The following CWC22 variants were observed in gnomAD, a reference collection of about 807,000 sequenced individuals.
The protein encoded by CWC22 is CWC22 spliceosome associated protein, also known as pre-mRNA-splicing factor CWC22 homolog.
CWC22 carries 53 observed loss-of-function variants against 117.2 expected under a neutral mutation model. The observed-to-expected ratio is 0.45, with a 90% CI of 0.36 to 0.57. The LOEUF (loss-of-function observed/expected upper bound fraction) is 0.57. Ranked by LOEUF, CWC22 falls within the 20% of genes least tolerant of loss-of-function variation. The pLI, the probability that CWC22 is intolerant of heterozygous loss-of-function variation, is 0.00. For missense variants in CWC22, 980 were observed against 1,068.8 expected, an observed-to-expected ratio of 0.92 and a Z score of 1.16; for synonymous variants, 360 against 355.6, an observed-to-expected ratio of 1.01 and a Z score of -0.14.
chr2:179,981,481 T>C (rs188844208), intron 5 of CWC22, among the ~76,000 whole-genome samples: 1 of 152,268 alleles, frequency 6.6e-6, no homozygotes, highest in Admixed American at 6.5e-5. Flanking sequence ...GGAACAATAG[T>C]TTGAACATAC....
intron 2 of CWC22, among the ~76,000 whole-genome samples, chr2:179,993,017 ACG>A (rs1440687865): frequency 7.0e-5 from 10 of 142,346 alleles, no homozygotes; most frequent in Admixed American, 2.7e-4. Flanking sequence ...ACACACACAC[ACG>A]CGCACACACA....
intron 2 of CWC22, among the ~76,000 whole-genome samples, chr2:179,990,914 C>T (rs941428087): frequency 6.6e-6 from 1 of 152,132 alleles, no homozygotes; most frequent in African/African-American, 2.4e-5. Context: ...AAAACGGGGA[C>T]TTGAATTTGG....
chr2:179,954,268 G>C lies in CWC22; in HGVS notation c.1626C>G (p.Asn542Lys). 6.2e-7 allele frequency: 1 copy of C among 1,611,714 alleles called. No individual in the cohort carries two copies. Among genetic ancestry groups the C allele is most frequent in the Non-Finnish European group, 8.5e-7 (1 of 1,178,406 alleles). The part of the protein sequence containing the change: ...QYDTIHRLET[N>K]KLRNVAKMFA... Reference sequence around the variant, plus strand: ...ACATCTTAGCAACATTTCGCAACTTGTTTGTTTCCAAGCGATGGATGGTAT... The same window carrying C: ...ACATCTTAGCAACATTTCGCAACTTCTTTGTTTCCAAGCGATGGATGGTAT... The change falls in exon 16 of 20, where the codon AAC (asparagine) becomes AAG (lysine). Residue 542 changes from asparagine to lysine, a missense_variant. Asn to Lys is a moderately conservative substitution (Grantham distance 94, BLOSUM62 0). Transcript: ENST00000410053.
chr2:179,991,414 C>A (rs1687563775), intron 2 of CWC22, among the ~76,000 whole-genome samples: 1 of 152,116 alleles, frequency 6.6e-6, no homozygotes, highest in African/African-American at 2.4e-5. Context: ...AGCTAGTGGA[C>A]CCATTGTGGC....
In CWC22 at chr2:179,986,783, G is replaced by A. The variant is rs769283097; in HGVS notation, c.118C>T (p.Pro40Ser). The A allele has an allele frequency of 6.3e-7, 1 of 1,592,926 alleles. No homozygotes were observed. Among genetic ancestry groups the A allele is most frequent in the Non-Finnish European group, 8.5e-7 (1 of 1,170,800 alleles). Residue 40 changes from proline (P) to serine (S), a missense_variant, in exon 4 of 20, where the codon CCC (proline) becomes TCC (serine). By Grantham distance (74) the Pro-to-Ser change is moderately conservative (BLOSUM62 -1). Around this residue, in one of 3 missense-constraint regions of CWC22, gnomAD observed 559 missense variants for 602.3 expected, o/e 0.93. Transcript: ENST00000410053. ...TAATCAAAGTAATCTCTATCCCGGG[G>A]GGATCGTTCTTGTTCTTCATATCTA... is the stretch of plus-strand genomic sequence containing the variant. ...EDRYEEQERS[P>S]RDRDYFDYSR...
At chr2:179,993,246 C>T (rs772227617) in intron 2 of CWC22, 69 bp downstream of exon 2, 1 of 1,113,766 alleles carries the variant, frequency 9.0e-7, no homozygotes, top group Non-Finnish European at 1.3e-6. Context: ...TACATAAATG[C>T]ATTTATATTT....
chr2:179,947,695 A>G (rs1686344553), intron 19 of CWC22, among the ~76,000 whole-genome samples: 1 of 152,240 alleles, frequency 6.6e-6, no homozygotes, highest in South Asian at 2.1e-4. Flanking sequence ...CATGAATAAA[A>G]GTTCCTGTAA....
At chr2:179,979,073 G>A (rs1687221881) in intron 5 of CWC22, among the ~76,000 whole-genome samples, 1 of 152,086 alleles carries the variant, frequency 6.6e-6, no homozygotes, top group African/African-American at 2.4e-5. Context: ...CTGCTTTTCT[G>A]TGGAATCTGA....
At chr2:180,003,192 T>C (rs1687887513) in intron 1 of CWC22, among the ~76,000 whole-genome samples, 2 of 152,202 alleles carry the variant, frequency 1.3e-5, no homozygotes, top group Admixed American at 1.3e-4. Context: ...AAGACAACAC[T>C]ATCAGATGCC....
intron 6 of CWC22, among the ~76,000 whole-genome samples, chr2:179,976,846 C>G (rs1477811046): frequency 6.6e-6 from 1 of 152,090 alleles, no homozygotes; most frequent in East Asian, 1.9e-4. Context: ...TATAGAGGTT[C>G]CTTAAAATAT....
chr2:179,966,527 A>G (rs1403610906), intron 11 of CWC22, among the ~76,000 whole-genome samples: 1 of 152,216 alleles, frequency 6.6e-6, no homozygotes, highest in Non-Finnish European at 1.5e-5. Context: ...ATAAATTCAA[A>G]GACTTTTCAT....
At chr2:179,994,288 A>G (rs920461074) in intron 1 of CWC22, among the ~76,000 whole-genome samples, 1 of 151,834 alleles carries the variant, frequency 6.6e-6, no homozygotes, top group African/African-American at 2.4e-5. Context: ...CGTGCTTAGT[A>G]GCAAAATAAC....
At chr2:179,967,773 A>G (rs1309802239) in intron 11 of CWC22, among the ~76,000 whole-genome samples, 3 of 152,212 alleles carry the variant, frequency 2.0e-5, no homozygotes, top group African/African-American at 7.2e-5. Flanking sequence ...CAGTTATGTC[A>G]AGGAAAACCA....
chr2:179,963,334 A>ATTT (rs1686801351), intron 13 of CWC22, among the ~76,000 whole-genome samples: 2 of 97,580 alleles, frequency 2.0e-5, no homozygotes, highest in Non-Finnish European at 4.0e-5. Context: ...AATATTTAAT[A>ATTT]CTTTTTTTTT....
At chr2:179,996,518 A>G (rs1365100971) in intron 1 of CWC22, among the ~76,000 whole-genome samples, 1 of 152,184 alleles carries the variant, frequency 6.6e-6, no homozygotes, top group Non-Finnish European at 1.5e-5. Context: ...ATACAAGGAA[A>G]TAACAATTCA....
intron 19 of CWC22, among the ~76,000 whole-genome samples, chr2:179,947,140 T>C (rs183519584): frequency 1.8e-3 from 275 of 152,308 alleles, no homozygotes; most frequent in African/African-American, 6.0e-3. Context: ...GAAAATATGA[T>C]AGAAAAGTGC....
intron 12 of CWC22, among the ~76,000 whole-genome samples, chr2:179,965,553 T>A (rs913725942): frequency 6.6e-6 from 1 of 152,310 alleles, no homozygotes; most frequent in South Asian, 2.1e-4. Flanking sequence ...TAAGAAAACA[T>A]GTTTTTCATT....
At chr2:179,996,952 C>T (rs963583609) in intron 1 of CWC22, among the ~76,000 whole-genome samples, 9 of 151,848 alleles carry the variant, frequency 5.9e-5, no homozygotes, top group African/African-American at 1.7e-4. Context: ...GAATTTATCA[C>T]CAGCAGACCT....
rs1479246968 is a variant in CWC22 at position 179,988,561 on chromosome 2, A to T, written c.95+16T>A. 5 of 1,314,954 alleles carry T rather than the reference A, an allele frequency of 3.8e-6. No homozygotes were observed. The highest frequency in any genetic ancestry group is 1.5e-5 in the African/African-American group (1 of 68,106). The allele number at this position is 1,314,954 out of a possible 1,614,324, so 81.5% of individuals were successfully genotyped here. A position where few individuals can be genotyped will look rare whatever the true frequency, so the allele number is the denominator to read the frequency against. On this transcript the variant is annotated intron_variant, in intron 3 of 19. Coordinates refer to ENST00000410053, the MANE Select transcript of CWC22 (RefSeq NM_020943.3). ...TAAAAATTTACATTGCATTCAGAGC[A>T]TATTAAACTATTTACCTGTCTTCTG...
Sources: allele counts gnomAD v4.1 joint callset (sites outside exome capture counted in the v4.1 genomes callset), GRCh38; gene constraint gnomAD v4.1.1; regional missense constraint gnomAD v4.1.1; transcripts MANE v1.5; gene names NCBI Gene and HGNC (gene_info 2026-07-23, HGNC 2026-07-21).